The following PRKCB variants were observed in gnomAD, a reference collection of about 807,000 sequenced individuals.
PRKCB encodes protein kinase C beta type.
In PRKCB, 13 loss-of-function variants were observed where a neutral mutation model predicts 81.5. The ratio of observed to expected loss-of-function variants is 0.16; its 90% CI spans 0.10 to 0.25. The LOEUF is 0.25. PRKCB is among the 10% of genes least tolerant of loss of function. The pLI, the probability that PRKCB is intolerant of heterozygous loss-of-function variation, is 1.00. For missense variants in PRKCB, 509 were observed against 875.7 expected, an observed-to-expected ratio of 0.58 and a Z score of 5.29; for synonymous variants, 335 against 321.4, an observed-to-expected ratio of 1.04 and a Z score of -0.45.
chr16:24,018,246 T>C (rs1212603491), intron 3 of PRKCB, among the ~76,000 whole-genome samples: 1 of 152,096 alleles, frequency 6.6e-6, no homozygotes, highest in Non-Finnish European at 1.5e-5. Flanking sequence ...AGACAAGATA[T>C]TACTATGTTG....
At chr16:24,004,010 G>T (rs1034240104) in intron 3 of PRKCB, among the ~76,000 whole-genome samples, 1 of 151,938 alleles carries the variant, frequency 6.6e-6, no homozygotes, top group Non-Finnish European at 1.5e-5. Flanking sequence ...TTGTTGTCAC[G>T]GACATTATGC....
chr16:24,080,563 C>T (rs1204068148), intron 5 of PRKCB, among the ~76,000 whole-genome samples: 1 of 151,942 alleles, frequency 6.6e-6, no homozygotes, highest in East Asian at 1.9e-4. Context: ...TTGAGTTTAG[C>T]GTACATATGG....
At chr16:23,926,577 T>A (rs144681242) in intron 2 of PRKCB, among the ~76,000 whole-genome samples, 1 of 151,500 alleles carries the variant, frequency 6.6e-6, no homozygotes, top group East Asian at 1.9e-4. Context: ...TATGTATATA[T>A]AGATATACAT....
chr16:23,961,728 T>C (rs1285589382), intron 2 of PRKCB, among the ~76,000 whole-genome samples: 5 of 152,154 alleles, frequency 3.3e-5, no homozygotes, highest in African/African-American at 1.2e-4. Context: ...TTTTGAACTA[T>C]TTGCATTTTA....
chr16:24,142,956 C>T (rs919121084), intron 9 of PRKCB, among the ~76,000 whole-genome samples: 7 of 152,052 alleles, frequency 4.6e-5, no homozygotes, highest in Admixed American at 2.6e-4. Flanking sequence ...AGCTAGGGGT[C>T]GTGTGGTCCC....
chr16:24,087,056 A>AT (rs1051016857), intron 5 of PRKCB, among the ~76,000 whole-genome samples: 55 of 151,714 alleles, frequency 3.6e-4, no homozygotes, highest in Admixed American at 2.6e-4. Context: ...ATGTGTGCAC[A>AT]TTTTTTTTCT....
intron 14 of PRKCB, 81 bp downstream of exon 14, chr16:24,185,272 G>T: frequency 7.2e-7 from 1 of 1,387,160 alleles, no homozygotes; most frequent in Non-Finnish European, 1.0e-6. Flanking sequence ...TGCATGTTTG[G>T]TAACAGCTCA....
chr16:24,023,657 C>T (rs578223458), intron 3 of PRKCB, among the ~76,000 whole-genome samples: 5 of 152,212 alleles, frequency 3.3e-5, no homozygotes, highest in African/African-American at 4.8e-5. Flanking sequence ...CGTGAGCCAC[C>T]GCACCCGGCC....
At chr16:24,142,282 C>A (rs1350795932) in intron 9 of PRKCB, among the ~76,000 whole-genome samples, 1 of 152,210 alleles carries the variant, frequency 6.6e-6, no homozygotes, top group Non-Finnish European at 1.5e-5. Context: ...TCTGTCGATG[C>A]CATAATCTCT....
chr16:24,003,315 A>G (rs1351986445), intron 3 of PRKCB, among the ~76,000 whole-genome samples: 1 of 151,888 alleles, frequency 6.6e-6, no homozygotes, highest in African/African-American at 2.4e-5. Context: ...ACATGTCTGC[A>G]AACATCGTTA....
intron 5 of PRKCB, among the ~76,000 whole-genome samples, chr16:24,037,191 G>A (rs532313413): frequency 4.8e-4 from 73 of 152,226 alleles, no homozygotes; most frequent in Non-Finnish European, 9.1e-4. Flanking sequence ...GTTTCACCAC[G>A]TTGGCCAGGC....
chr16:24,010,966 G>A (rs981291101), intron 3 of PRKCB, among the ~76,000 whole-genome samples: 2 of 152,132 alleles, frequency 1.3e-5, no homozygotes, highest in African/African-American at 4.8e-5. Context: ...CCAGGCTTAA[G>A]TGATCCTCCT....
chr16:24,138,845 C>CTTTTTTTT (rs991952336), intron 9 of PRKCB, among the ~76,000 whole-genome samples: 13 of 78,846 alleles, frequency 1.6e-4, no homozygotes, highest in Non-Finnish European at 2.5e-4. Flanking sequence ...CAGTATTTGT[C>CTTTTTTTT]TTTTTTTTTT....
Position 24,065,635 on chromosome 16 carries a change from C to T in PRKCB, c.530-27156C>T, listed in dbSNP as rs559530015. ...CATTCTTTCTTACATTTTCACATTT[C>T]CATCTGGGATCATTTTCTTTCTCTC... is the stretch of plus-strand genomic sequence containing the variant. On this transcript the variant is annotated intron_variant, in intron 5 of 16. Coordinates refer to ENST00000643927, the MANE Select transcript of PRKCB (RefSeq NM_002738.7). Among the ~76,000 whole-genome samples the T allele has an allele frequency of 1.3e-4, 20 of 152,294 alleles. No homozygotes were observed. In the South Asian group the frequency reaches 3.7e-3, roughly 28 times the overall value.
intron 2 of PRKCB, among the ~76,000 whole-genome samples, chr16:23,943,638 G>A (rs572446705): frequency 9.9e-5 from 15 of 152,232 alleles, no homozygotes; most frequent in South Asian, 8.3e-4. Context: ...CAGACTCTGC[G>A]CCTGTACAAA....
chr16:24,101,889 C>T (rs1009111437), intron 7 of PRKCB, among the ~76,000 whole-genome samples: 1 of 152,194 alleles, frequency 6.6e-6, no homozygotes, highest in Non-Finnish European at 1.5e-5. Context: ...ACTGCATTTA[C>T]ACTTAGATGA....
chr16:24,120,482 C>T (rs1966787465), intron 8 of PRKCB, among the ~76,000 whole-genome samples: 1 of 152,140 alleles, frequency 6.6e-6, no homozygotes. Context: ...GAGGGGATCT[C>T]AACATGCCTG....
chr16:23,982,506 G>A (rs1202545681), intron 2 of PRKCB, among the ~76,000 whole-genome samples: 1 of 151,642 alleles, frequency 6.6e-6, no homozygotes, highest in Non-Finnish European at 1.5e-5. Flanking sequence ...CTACAGCCTT[G>A]ATTTCCCAGC....
rs1358280474 is a variant in PRKCB at position 24,182,933 on chromosome 16, T to A, written c.1533+2005T>A. On this transcript the variant is annotated intron_variant, in intron 13 of 16. Transcript: ENST00000643927. Reference sequence around the variant, plus strand: ...ACAGGGTCTCACTCTGTCTACTCACTGCAAGCTCTGCCTCCTGGATTCATG... The same window carrying A: ...ACAGGGTCTCACTCTGTCTACTCACAGCAAGCTCTGCCTCCTGGATTCATG... 1.7e-5 allele frequency among the ~76,000 whole-genome samples: 2 copies of A among 114,554 alleles called. 1 individual carries two copies. Among genetic ancestry groups the A allele is most frequent in the East Asian group, 5.0e-4 (2 of 3,976 alleles). 75.2% of individuals were successfully genotyped at this position (114,554 alleles called of 152,430 possible). A position where few individuals can be genotyped will look rare whatever the true frequency, so the allele number is the denominator to read the frequency against.
Sources: allele counts gnomAD v4.1 joint callset (sites outside exome capture counted in the v4.1 genomes callset), GRCh38; gene constraint gnomAD v4.1.1; transcripts MANE v1.5; gene names NCBI Gene and HGNC (gene_info 2026-07-23, HGNC 2026-07-21).